The following SFMBT2 variants were observed in gnomAD, a reference collection of about 807,000 sequenced individuals.
SFMBT2 encodes the protein scm-like with four MBT domains protein 2.
SFMBT2 carries 38 observed loss-of-function variants against 110.1 expected under a neutral mutation model. The observed-to-expected ratio is 0.35, with a 90% confidence interval of 0.27 to 0.45. SFMBT2 has a LOEUF of 0.45. SFMBT2 is among the 20% of genes least tolerant of loss of function. The pLI is 1.00. For synonymous variants in SFMBT2, 425 were observed against 425.4 expected (o/e 1.00, Z 0.01); for missense variants, 1,011 against 1,094.9 (o/e 0.92, Z 1.08).
In SFMBT2 at chr10:7,170,996, C is replaced by T; in HGVS notation, c.2476G>A (p.Val826Ile). Reference sequence around the variant, plus strand: ...TTAATGAACCTCACCACGTCGGTGACCGTCCACTCCAACGGGTTGCTCTCC... The same window carrying T: ...TTAATGAACCTCACCACGTCGGTGATCGTCCACTCCAACGGGTTGCTCTCC... The part of the protein sequence containing the change: ...VLESNPLEWT[V>I]TDVVRFIKLT... The change falls in exon 20 of 21, where the codon GTC becomes ATC. Residue 826 changes from valine to isoleucine, a missense_variant. By Grantham distance (29) the Val-to-Ile change is conservative. This residue lies in a region of SFMBT2 where 979 missense variants were observed against 1,016.1 expected (regional missense o/e 0.96). Transcript: ENST00000397167. This position sits in a 1 kb window ranked among gnomAD's most constrained non-coding sequence, Gnocchi z 4.6. The T allele has an allele frequency of 6.2e-7, 1 of 1,614,208 alleles. No homozygotes were observed. The highest frequency in any genetic ancestry group is 8.5e-7 in the Non-Finnish European group (1 of 1,180,042).
chr10:7,359,827 T>C lies in SFMBT2; in HGVS notation c.436+7822A>G, dbSNP rs1383041722. Among the ~76,000 whole-genome samples, 2 of 152,234 alleles carry C rather than the reference T, an allele frequency of 1.3e-5. 1 individual carries two copies. Among genetic ancestry groups the C allele is most frequent in the Non-Finnish European group, 2.9e-5 (2 of 68,044 alleles). ...AACTCTACAACTTTTCTCAGTGATA[T>C]TCAGTCTGACCATTTTAATCTAAAG... On this transcript the variant is annotated intron_variant, in intron 4 of 20. Transcript: ENST00000397167.
In SFMBT2 at chr10:7,367,842, T is replaced by C. The variant is rs1844954942; in HGVS notation, c.243A>G (p.Glu81=). The stretch of plus-strand genomic sequence containing the variant: ...TGTCCGGGTTGTTCTTATTAGCCAC[T>C]TCCAATTTCATTCCTGGCTGGAAGT... The part of the protein sequence containing the change: ...QSNFQPGMKL[E]VANKNNPDTY... Residue 81 remains glutamate (E), a synonymous_variant, in exon 4 of 21, where the codon GAA becomes GAG. Transcript: ENST00000397167. This position sits in a 1 kb window ranked among gnomAD's most constrained non-coding sequence, Gnocchi z 6.2. The C allele has an allele frequency of 6.2e-7, 1 of 1,614,218 alleles. No homozygotes were observed. The highest frequency in any genetic ancestry group is 1.1e-5 in the South Asian group (1 of 91,082).
intron 11 of SFMBT2, among the ~76,000 whole-genome samples, chr10:7,207,281 G>A (rs540520009): frequency 3.3e-5 from 5 of 151,894 alleles, no homozygotes; most frequent in South Asian, 2.1e-4. Flanking sequence ...GACTGCTCAC[G>A]TCTGGGAGGT....
At chr10:7,342,854 G>A (rs1167791810) in intron 4 of SFMBT2, among the ~76,000 whole-genome samples, 1 of 152,162 alleles carries the variant, frequency 6.6e-6, no homozygotes, top group Non-Finnish European at 1.5e-5. Context: ...TTCAAAAATT[G>A]TCGAAAGCAA....
At chr10:7,384,626 AC>A (rs1363107192) in intron 1 of SFMBT2, among the ~76,000 whole-genome samples, 3 of 152,116 alleles carry the variant, frequency 2.0e-5, no homozygotes, top group Non-Finnish European at 4.4e-5. Flanking sequence ...AAATGAAGGA[AC>A]CTTTTAACAG....
chr10:7,342,480 C>T (rs948369426), intron 4 of SFMBT2, among the ~76,000 whole-genome samples: 2 of 137,794 alleles, frequency 1.5e-5, no homozygotes, highest in African/African-American at 5.3e-5. Context: ...GCAATCTCGG[C>T]TCACTGCAAA....
chr10:7,286,662 G>C (rs1842099708), intron 4 of SFMBT2, among the ~76,000 whole-genome samples: 1 of 152,106 alleles, frequency 6.6e-6, no homozygotes, highest in African/African-American at 2.4e-5. Flanking sequence ...ATGATTTAAG[G>C]TCTGCAGAAA....
At chr10:7,248,092 G>A (rs2762609) in intron 8 of SFMBT2, among the ~76,000 whole-genome samples, 38,694 of 152,048 alleles carry the variant, frequency 0.25, 5,249 homozygotes, top group South Asian at 0.43. Flanking sequence ...TTGTGAATCT[G>A]TAGATCTTAG....
chr10:7,223,839 GGT>G (rs1162343136), intron 10 of SFMBT2, among the ~76,000 whole-genome samples: 1 of 152,132 alleles, frequency 6.6e-6, no homozygotes, highest in African/African-American at 2.4e-5. Context: ...GTTGATTGTA[GGT>G]GGAGCCAGAG....
At chr10:7,292,509 G>T (rs1216995365) in intron 4 of SFMBT2, among the ~76,000 whole-genome samples, 3 of 152,152 alleles carry the variant, frequency 2.0e-5, no homozygotes, top group Non-Finnish European at 4.4e-5. Flanking sequence ...ATAGATAAAA[G>T]TATTGCTGTC....
intron 2 of SFMBT2, among the ~76,000 whole-genome samples, chr10:7,373,819 GGAA>G (rs1342105323): frequency 3.9e-5 from 6 of 152,180 alleles, no homozygotes; most frequent in East Asian, 1.9e-4. Context: ...CTGCGTGTGA[GGAA>G]GAAGAAGAGC....
intron 4 of SFMBT2, among the ~76,000 whole-genome samples, chr10:7,359,851 A>C (rs929622384): frequency 3.3e-5 from 5 of 152,216 alleles, no homozygotes; most frequent in African/African-American, 1.2e-4. Context: ...TTTAATCTAA[A>C]GTCTTAATGA....
chr10:7,352,836 C>T (rs1444308487), intron 4 of SFMBT2, among the ~76,000 whole-genome samples: 1 of 151,974 alleles, frequency 6.6e-6, no homozygotes, highest in Non-Finnish European at 1.5e-5. Flanking sequence ...ATGGTGAAAC[C>T]CTGTCTCTAC....
intron 15 of SFMBT2, among the ~76,000 whole-genome samples, chr10:7,192,188 C>T (rs1427442151): frequency 6.6e-6 from 1 of 152,164 alleles, no homozygotes; most frequent in East Asian, 1.9e-4. Flanking sequence ...AAATTGAAAA[C>T]AGCAGCAACA....
Position 7,329,003 on chromosome 10 carries a change from A to T in SFMBT2, c.436+38646T>A, listed in dbSNP as rs538057844. 2.0e-5 allele frequency among the ~76,000 whole-genome samples: 3 copies of T among 152,262 alleles called. No individual in the cohort carries two copies. In the South Asian group the frequency reaches 6.2e-4, roughly 32 times the overall value. ...AGAGCTTGCCTTACTTCTCCCCTAA[A>T]TTCCCTGCCGGCTCCTGAATTCACA... On this transcript the variant is annotated intron_variant, in intron 4 of 20. Transcript: ENST00000397167.
intron 4 of SFMBT2, among the ~76,000 whole-genome samples, chr10:7,317,180 C>A (rs1323370402): frequency 6.6e-6 from 1 of 152,014 alleles, no homozygotes; most frequent in Non-Finnish European, 1.5e-5. Flanking sequence ...ACTCAGAGGA[C>A]TGGCCCACAC....
In SFMBT2 at chr10:7,220,396, C is replaced by T. The variant is rs200811039; in HGVS notation, c.1330+15G>A. 3 of 1,612,068 alleles carry T rather than the reference C, an allele frequency of 1.9e-6. No individual in the cohort carries two copies. Among genetic ancestry groups the T allele is most frequent in the Non-Finnish European group, 2.5e-6 (3 of 1,178,672 alleles). On this transcript the variant is annotated intron_variant, in intron 11 of 20. Transcript: ENST00000397167. ...ACATTCCCCCCAGCGACTGCTACCC[C>T]CAGCGAGTACGTACCTTCCAGGTGA...
chr10:7,257,700 C>T (rs1841071136), intron 7 of SFMBT2, among the ~76,000 whole-genome samples: 1 of 152,146 alleles, frequency 6.6e-6, no homozygotes, highest in African/African-American at 2.4e-5. Context: ...CTTGAAGAAC[C>T]GAAGCTTATG....
intron 1 of SFMBT2, among the ~76,000 whole-genome samples, chr10:7,404,674 G>A (rs1005962847): frequency 6.6e-5 from 10 of 152,218 alleles, no homozygotes; most frequent in African/African-American, 2.4e-4. Flanking sequence ...TTTAATCAAT[G>A]TCAAAGACAT....
Sources: allele counts gnomAD v4.1 joint callset (sites outside exome capture counted in the v4.1 genomes callset), GRCh38; gene constraint gnomAD v4.1.1; regional missense constraint gnomAD v4.1.1; non-coding constraint Gnocchi (gnomAD v3.1); transcripts MANE v1.5; gene names NCBI Gene and HGNC (gene_info 2026-07-23, HGNC 2026-07-21).